FAF1: variants seen among roughly 807,000 people sequenced by gnomAD.
FAF1 encodes the protein Fas associated factor 1.
FAF1 carries 25 observed loss-of-function variants against 92.5 expected under a neutral mutation model. The ratio of observed to expected loss-of-function variants is 0.27; its 90% CI spans 0.20 to 0.38. FAF1 has a LOEUF of 0.38. FAF1 is among the 10% of genes least tolerant of loss of function. FAF1 has a pLI of 1.00. For missense variants in FAF1, 636 were observed against 793.3 expected (o/e 0.80, Z 2.38); for synonymous variants, 234 against 273.2 (o/e 0.86, Z 1.42).
chr1:50,559,291 T>C (rs1396726762), intron 13 of FAF1, among the ~76,000 whole-genome samples: 1 of 152,072 alleles, frequency 6.6e-6, no homozygotes, highest in Admixed American at 6.5e-5. Context: ...GAATGTTGAA[T>C]GTACTATAAA....
chr1:50,709,555 T>C (rs1657828772), intron 6 of FAF1, among the ~76,000 whole-genome samples: 1 of 152,182 alleles, frequency 6.6e-6, no homozygotes, highest in Non-Finnish European at 1.5e-5. Flanking sequence ...TTCTGAAAGG[T>C]TAATTGCCCC....
intron 8 of FAF1, among the ~76,000 whole-genome samples, chr1:50,610,593 T>C (rs1652640821): frequency 6.6e-6 from 1 of 152,206 alleles, no homozygotes. Flanking sequence ...TTGGATGCAA[T>C]GTGCTCAGGT....
chr1:50,650,136 T>C (rs1654789595), intron 8 of FAF1, among the ~76,000 whole-genome samples: 2 of 149,276 alleles, frequency 1.3e-5, no homozygotes, highest in African/African-American at 2.5e-5. Flanking sequence ...AATACAAAAT[T>C]AGCCGGGCGT....
At chr1:50,804,087 G>A (rs555336471) in intron 2 of FAF1, among the ~76,000 whole-genome samples, 209 of 152,202 alleles carry the variant, frequency 1.4e-3, no homozygotes, top group African/African-American at 4.7e-3. Context: ...AATATCAATT[G>A]TTCATATAAT....
At chr1:50,722,426 A>C (rs1025572103) in intron 6 of FAF1, among the ~76,000 whole-genome samples, 4 of 152,148 alleles carry the variant, frequency 2.6e-5, no homozygotes, top group South Asian at 4.1e-4. Flanking sequence ...AGGTGGGTGG[A>C]TCATGAGGTC....
intron 8 of FAF1, among the ~76,000 whole-genome samples, chr1:50,614,716 G>C (rs914052846): frequency 6.6e-6 from 1 of 151,760 alleles, no homozygotes; most frequent in Non-Finnish European, 1.5e-5. Context: ...GTGTATGCCT[G>C]TAATCCCAGC....
intron 1 of FAF1, among the ~76,000 whole-genome samples, chr1:50,896,889 T>C (rs538649493): frequency 6.6e-6 from 1 of 152,246 alleles, no homozygotes; most frequent in Admixed American, 6.5e-5. Context: ...AATTTAACTA[T>C]ACTTAATACC....
intron 7 of FAF1, among the ~76,000 whole-genome samples, chr1:50,666,037 C>T (rs1038878008): frequency 2.2e-4 from 33 of 150,750 alleles, no homozygotes; most frequent in African/African-American, 6.8e-4. Flanking sequence ...ATTAGCTAGG[C>T]GTGGTGGTGC....
chr1:50,564,290 A>ATTTTTTTTTTTTTTTTTT (rs1227259756), intron 13 of FAF1, among the ~76,000 whole-genome samples: 1 of 152,040 alleles, frequency 6.6e-6, no homozygotes, highest in Non-Finnish European at 1.5e-5. Context: ...GACTCTCTAA[A>ATTTTTTTTTTTTTTTTTT]TTTTTATGGC....
intron 7 of FAF1, among the ~76,000 whole-genome samples, chr1:50,660,467 G>A (rs548802303): frequency 6.6e-6 from 1 of 151,226 alleles, no homozygotes; most frequent in Non-Finnish European, 1.5e-5. Context: ...AAGGTGTTGC[G>A]GCATACCTCG....
At chr1:50,561,515 A>G (rs754854453) in intron 13 of FAF1, among the ~76,000 whole-genome samples, 4 of 152,162 alleles carry the variant, frequency 2.6e-5, no homozygotes, top group Non-Finnish European at 5.9e-5. Flanking sequence ...TTTATTATCA[A>G]TATAGTACTT....
chr1:50,849,649 C>T (rs1644331658), intron 2 of FAF1, among the ~76,000 whole-genome samples: 2 of 152,058 alleles, frequency 1.3e-5, no homozygotes, highest in Admixed American at 1.3e-4. Context: ...ACTATATAGG[C>T]TACTAACCTC....
intron 15 of FAF1, among the ~76,000 whole-genome samples, chr1:50,493,593 AT>A (rs1646865090): frequency 6.6e-6 from 1 of 152,214 alleles, no homozygotes; most frequent in Admixed American, 6.5e-5. Context: ...TCACATAATT[AT>A]TTATTTAATG....
At chr1:50,949,962 GACT>G in intron 1 of FAF1, among the ~76,000 whole-genome samples, 1 of 151,860 alleles carries the variant, frequency 6.6e-6, no homozygotes, top group Middle Eastern at 3.4e-3. Context: ...GAGTAGCTAG[GACT>G]ACAAGCACAT....
At chr1:50,941,132 A>T (rs929821803) in intron 1 of FAF1, among the ~76,000 whole-genome samples, 5 of 152,058 alleles carry the variant, frequency 3.3e-5, no homozygotes, top group African/African-American at 1.2e-4. Context: ...CCCAGCCTCA[A>T]GCAATCCTCC....
Position 50,650,284 on chromosome 1 carries a change from CAAAAAAA to C in FAF1, c.744+5151_744+5157del, listed in dbSNP as rs1213490969. On this transcript the variant is annotated intron_variant, in intron 8 of 18. Transcript: ENST00000396153. The stretch of plus-strand genomic sequence containing the variant: ...GTGCAACAAGAGCGAAACTCTGTCT[CAAAAAAA>C]AAAAAAAAAAAAAAGTAATAAAACT... 4.2e-4 allele frequency among the ~76,000 whole-genome samples: 35 copies of C among 84,238 alleles called. 1 individual carries two copies. Among genetic ancestry groups the C allele is most frequent in the African/African-American group, 1.4e-3 (31 of 22,324 alleles). 55.3% of individuals were successfully genotyped at this position (84,238 alleles called of 152,430 possible).
chr1:50,844,353 T>C (rs1269251029), intron 2 of FAF1, among the ~76,000 whole-genome samples: 1 of 152,134 alleles, frequency 6.6e-6, no homozygotes, highest in African/African-American at 2.4e-5. Context: ...TTAAGATGCT[T>C]TGAAACAAAC....
At chr1:50,628,070 G>A (rs1421151858) in intron 8 of FAF1, among the ~76,000 whole-genome samples, 6 of 152,056 alleles carry the variant, frequency 3.9e-5, no homozygotes, top group Admixed American at 3.9e-4. Context: ...CTAAAGTCAG[G>A]GAGGATTTCT....
chr1:50,639,716 A>G (rs974629469), intron 8 of FAF1, among the ~76,000 whole-genome samples: 4 of 152,096 alleles, frequency 2.6e-5, no homozygotes, highest in African/African-American at 9.7e-5. Flanking sequence ...CGGGTGGATC[A>G]CAAGGTCAGG....
Sources: gnomAD v4.1 joint callset for allele counts (sites outside exome capture counted in the v4.1 genomes callset) on GRCh38, gnomAD v4.1.1 for gene constraint, MANE v1.5 for transcripts, NCBI Gene and HGNC (gene_info 2026-07-23, HGNC 2026-07-21) for gene names.